The following RARB variants were observed in gnomAD, a reference collection of about 807,000 sequenced individuals.
RARB encodes the protein HBV-activated protein.
RARB carries 17 observed loss-of-function variants against 51.9 expected under a neutral mutation model. The ratio of observed to expected loss-of-function variants is 0.33; its 90% confidence interval spans 0.22 to 0.49. RARB has a LOEUF of 0.49. Ranked by LOEUF, RARB falls within the 20% of genes least tolerant of loss-of-function variation. The pLI is 0.99. For synonymous variants in RARB, 215 were observed against 195.4 expected (o/e 1.10, Z -0.84); for missense variants, 369 against 550.8 (o/e 0.67, Z 3.30).
At chr3:25,470,979 GTT>G (rs574451890) in intron 2 of RARB, among the ~76,000 whole-genome samples, 87 of 152,244 alleles carry the variant, frequency 5.7e-4, no homozygotes, top group African/African-American at 2.0e-3. Flanking sequence ...TTTATCATAA[GTT>G]ATATCTAATT....
chr3:25,294,822 G>GGGGGGAGGAAGAGGGAGTGGAGT (rs1703880318), intron 5 of RARB, among the ~76,000 whole-genome samples: 2 of 152,128 alleles, frequency 1.3e-5, no homozygotes, highest in Non-Finnish European at 2.9e-5. Flanking sequence ...GGGAGTGGAG[G>GGGGGGAGGAAGAGGGAGTGGAGT]GGGGAAGGAA....
chr3:25,070,096 C>T (rs1294834756), intron 3 of RARB, among the ~76,000 whole-genome samples: 1 of 152,208 alleles, frequency 6.6e-6, no homozygotes, highest in East Asian at 1.9e-4. Flanking sequence ...GGTTTTTTGG[C>T]AGGAACCTAT....
chr3:25,402,840 AT>A (rs1389747446), intron 5 of RARB, among the ~76,000 whole-genome samples: 2 of 151,996 alleles, frequency 1.3e-5, no homozygotes, highest in Non-Finnish European at 2.9e-5. Context: ...GGGCATGAGG[AT>A]GGTTAATGGG....
At chr3:25,257,956 A>G (rs1172987372) in intron 5 of RARB, among the ~76,000 whole-genome samples, 1 of 151,654 alleles carries the variant, frequency 6.6e-6, no homozygotes, top group Non-Finnish European at 1.5e-5. Context: ...TTTCCACAGC[A>G]CTCTCTTCCT....
intron 3 of RARB, among the ~76,000 whole-genome samples, chr3:25,120,237 C>T (rs1460182646): frequency 6.6e-6 from 1 of 152,064 alleles, no homozygotes; most frequent in Non-Finnish European, 1.5e-5. Flanking sequence ...TGGCAACTGA[C>T]ATTTGGACTA....
intron 2 of RARB, among the ~76,000 whole-genome samples, chr3:24,969,170 G>A (rs191534213): frequency 2.5e-4 from 38 of 152,166 alleles, no homozygotes; most frequent in African/African-American, 6.7e-4. Context: ...ATGTAGAAGT[G>A]TTTGTATTTG....
chr3:25,574,579 C>A (rs1700846250), intron 4 of RARB, among the ~76,000 whole-genome samples: 1 of 152,230 alleles, frequency 6.6e-6, no homozygotes, highest in Non-Finnish European at 1.5e-5. Flanking sequence ...TGCTCCCGGC[C>A]TCCCACTGCT....
chr3:25,060,220 T>A (rs1232938902), intron 3 of RARB: 1 of 151,800 alleles, frequency 6.6e-6, no homozygotes. Flanking sequence ...AACAAATATT[T>A]TGAAAAACAT....
chr3:25,479,716 T>C (rs1012885219), intron 2 of RARB, among the ~76,000 whole-genome samples: 2 of 152,212 alleles, frequency 1.3e-5, no homozygotes, highest in Admixed American at 6.5e-5. Flanking sequence ...ACCAAGGCTT[T>C]ATTATCTCTC....
At chr3:25,255,495 G>GTT (rs1269750974) in intron 5 of RARB, among the ~76,000 whole-genome samples, 1 of 152,128 alleles carries the variant, frequency 6.6e-6, no homozygotes, top group African/African-American at 2.4e-5. Context: ...TGAGCTTCGA[G>GTT]TTTGAAGCAT....
chr3:25,416,311 C>A (rs1463006882), intron 5 of RARB, among the ~76,000 whole-genome samples: 2 of 152,194 alleles, frequency 1.3e-5, no homozygotes, highest in East Asian at 3.9e-4. Flanking sequence ...ATCGCTTGAG[C>A]CTGTGAGATT....
intron 1 of RARB, among the ~76,000 whole-genome samples, chr3:25,456,660 AATATATATAT>A (rs59052323): frequency 9.4e-5 from 9 of 96,198 alleles, no homozygotes; most frequent in South Asian, 3.8e-4. Flanking sequence ...GTGATATTTG[AATATATATAT>A]ATATATATAT....
intron 5 of RARB, among the ~76,000 whole-genome samples, chr3:25,178,716 A>G (rs928463372): frequency 6.6e-6 from 1 of 152,198 alleles, no homozygotes; most frequent in African/African-American, 2.4e-5. Context: ...GGAAGCCACT[A>G]TCAGTTTTCG....
At chr3:25,119,466 A>G (rs1699743735) in intron 3 of RARB, among the ~76,000 whole-genome samples, 1 of 152,090 alleles carries the variant, frequency 6.6e-6, no homozygotes, top group Non-Finnish European at 1.5e-5. Context: ...AATCGATGTT[A>G]AGAGAACTTA....
At chr3:25,201,976 T>G (rs1259460963) in intron 5 of RARB, among the ~76,000 whole-genome samples, 1 of 152,208 alleles carries the variant, frequency 6.6e-6, no homozygotes, top group Non-Finnish European at 1.5e-5. Flanking sequence ...GATTCCCTCT[T>G]TTTCTATTGA....
chr3:25,547,663 A>G (rs1038444282), intron 3 of RARB, among the ~76,000 whole-genome samples: 1 of 152,168 alleles, frequency 6.6e-6, no homozygotes, highest in Non-Finnish European at 1.5e-5. Context: ...AGATCAATGA[A>G]CCCCCAAGTT....
intron 2 of RARB, among the ~76,000 whole-genome samples, chr3:24,953,705 C>G (rs1284868830): frequency 3.3e-5 from 5 of 151,864 alleles, no homozygotes; most frequent in African/African-American, 1.2e-4. Context: ...GATTTTTTTT[C>G]AAAAACAATT....
At chr3:25,517,322 A>C (rs1333273903) in intron 3 of RARB, among the ~76,000 whole-genome samples, 1 of 152,252 alleles carries the variant, frequency 6.6e-6, no homozygotes, top group African/African-American at 2.4e-5. Flanking sequence ...TCAATTTTAA[A>C]ATGGGCAATG....
At chr3:25,441,221 C>A in intron 1 of RARB, 1 of 345,556 alleles carries the variant, frequency 2.9e-6, no homozygotes, top group South Asian at 2.6e-5. Context: ...GGTTAGTGCC[C>A]TCAAAAAGGC....
Sources: allele counts gnomAD v4.1 joint callset (sites outside exome capture counted in the v4.1 genomes callset), GRCh38; gene constraint gnomAD v4.1.1; transcripts MANE v1.5; gene names NCBI Gene and HGNC (gene_info 2026-07-23, HGNC 2026-07-21).